PRKCH: variants seen among roughly 807,000 people sequenced by gnomAD.
The protein encoded by PRKCH is protein kinase C eta type.
A neutral mutation model predicts 82.5 loss-of-function variants in PRKCH; 28 were observed. The observed-to-expected ratio is 0.34, with a 90% CI of 0.25 to 0.47. PRKCH has a LOEUF of 0.47. Ranked by LOEUF, PRKCH falls within the 20% of genes least tolerant of loss-of-function variation. PRKCH has a pLI of 1.00. For synonymous variants in PRKCH, 322 were observed against 327.4 expected, an observed-to-expected ratio of 0.98 and a Z score of 0.18; for missense variants, 705 against 881.8, an observed-to-expected ratio of 0.80 and a Z score of 2.54.
intron 2 of PRKCH, among the ~76,000 whole-genome samples, chr14:61,402,424 CTG>C (rs1254084458): frequency 6.6e-6 from 1 of 152,208 alleles, no homozygotes; most frequent in African/African-American, 2.4e-5. Context: ...TTAAATTACT[CTG>C]TGTGAGGCTG....
At chr14:61,494,856 C>T (rs1267301710) in intron 10 of PRKCH, among the ~76,000 whole-genome samples, 6 of 152,140 alleles carry the variant, frequency 3.9e-5, no homozygotes, top group Non-Finnish European at 7.4e-5. Flanking sequence ...TCTTTGAAAC[C>T]AAATCATTTT....
At chr14:61,405,558 A>C (rs781781485) in intron 2 of PRKCH, among the ~76,000 whole-genome samples, 12 of 152,118 alleles carry the variant, frequency 7.9e-5, no homozygotes, top group South Asian at 4.1e-4. Context: ...TTGTATTTTT[A>C]GTAGAGATGG....
At chr14:61,426,585 A>G (rs1046797453) in intron 2 of PRKCH, among the ~76,000 whole-genome samples, 4 of 152,230 alleles carry the variant, frequency 2.6e-5, no homozygotes, top group African/African-American at 9.7e-5. Context: ...GCCTGAGGAA[A>G]GTCCAAGAGG....
intron 12 of PRKCH, among the ~76,000 whole-genome samples, chr14:61,532,949 G>A (rs557016179): frequency 2.2e-4 from 34 of 152,290 alleles, no homozygotes; most frequent in African/African-American, 6.3e-4. Context: ...CATATCATGC[G>A]TCTAGCACTC....
At chr14:61,403,288 C>G (rs1261387448) in intron 2 of PRKCH, among the ~76,000 whole-genome samples, 2 of 152,040 alleles carry the variant, frequency 1.3e-5, no homozygotes, top group African/African-American at 4.8e-5. Context: ...TTTACAATTT[C>G]TAGGTTATTT....
intron 1 of PRKCH, among the ~76,000 whole-genome samples, chr14:61,203,910 C>G (rs1331199715): frequency 2.0e-5 from 3 of 151,912 alleles, no homozygotes; most frequent in South Asian, 2.1e-4. Context: ...ACACAAATAC[C>G]CACACACTTT....
intron 1 of PRKCH, among the ~76,000 whole-genome samples, chr14:61,313,816 GGGAA>G (rs1266152821): frequency 6.6e-6 from 1 of 152,104 alleles, no homozygotes; most frequent in Non-Finnish European, 1.5e-5. Flanking sequence ...AGAACAGCAT[GGGAA>G]AGACCTGTTC....
At chr14:61,502,065 C>CTTTTTT (rs869064641) in intron 10 of PRKCH, among the ~76,000 whole-genome samples, 1 of 6,424 alleles carries the variant, frequency 1.6e-4, no homozygotes. Flanking sequence ...CTTTTCTTTT[C>CTTTTTT]TTTTTTTTTT....
At chr14:61,394,267 A>T (rs1331338860) in intron 2 of PRKCH, among the ~76,000 whole-genome samples, 1 of 3,982 alleles carries the variant, frequency 2.5e-4, no homozygotes, top group Non-Finnish European at 0.12. Flanking sequence ...TACTTGACAT[A>T]AAAAAAAAAA....
At chr14:61,413,459 G>C (rs1291222292) in intron 2 of PRKCH, among the ~76,000 whole-genome samples, 6 of 126,026 alleles carry the variant, frequency 4.8e-5, no homozygotes, top group African/African-American at 1.8e-4. Flanking sequence ...AAGTGGCTTA[G>C]ATCCTACTTA....
chr14:61,467,204 A>G (rs751322423), intron 9 of PRKCH, among the ~76,000 whole-genome samples: 1 of 152,200 alleles, frequency 6.6e-6, no homozygotes, highest in Non-Finnish European at 1.5e-5. Flanking sequence ...AAGAGCTCTG[A>G]GTTCTAATTC....
chr14:61,263,841 A>G (rs1348386782), intron 1 of PRKCH, among the ~76,000 whole-genome samples: 3 of 144,550 alleles, frequency 2.1e-5, no homozygotes, highest in Non-Finnish European at 4.6e-5. Context: ...ATCTGAAGTC[A>G]GAGTATTGTG....
intron 1 of PRKCH, among the ~76,000 whole-genome samples, chr14:61,301,951 A>G (rs2045450897): frequency 6.6e-6 from 1 of 152,178 alleles, no homozygotes; most frequent in African/African-American, 2.4e-5. Context: ...CATTCCCAAG[A>G]GTTCTCTCAT....
At chr14:61,541,288 G>C (rs994621108) in intron 12 of PRKCH, among the ~76,000 whole-genome samples, 1 of 152,386 alleles carries the variant, frequency 6.6e-6, no homozygotes, top group African/African-American at 2.4e-5. Context: ...ACGCATGCGT[G>C]GTGTGCTTCT....
chr14:61,461,744 G>A (rs976076588), intron 9 of PRKCH, among the ~76,000 whole-genome samples: 4 of 152,234 alleles, frequency 2.6e-5, no homozygotes, highest in Non-Finnish European at 5.9e-5. Context: ...AGAGTAAAAT[G>A]AGGAAGTAAC....
At chr14:61,216,365 T>C (rs1240345241) in intron 1 of PRKCH, among the ~76,000 whole-genome samples, 1 of 151,788 alleles carries the variant, frequency 6.6e-6, no homozygotes, top group East Asian at 1.9e-4. Flanking sequence ...CTCAGGAGGC[T>C]GAGGCACGAG....
In PRKCH at chr14:61,529,228, T is replaced by C. The variant is rs374916304; in HGVS notation, c.1572+15T>C. 37 of 1,599,920 alleles carry C rather than the reference T, an allele frequency of 2.3e-5. No homozygotes were observed. The highest frequency in any genetic ancestry group is 1.7e-4 in the Middle Eastern group (1 of 6,038). On this transcript the variant is annotated intron_variant, in intron 11 of 13. Coordinates refer to ENST00000332981, the MANE Select transcript of PRKCH (RefSeq NM_006255.5). ...TCGCTCCAGAGGTGAGTGCAGCTGC[T>C]TGATGCAGCTCTGAAATCTGAGCTC... is the stretch of plus-strand genomic sequence containing the variant.
chr14:61,549,333 C>G (rs1464260225), intron 13 of PRKCH, among the ~76,000 whole-genome samples: 1 of 152,214 alleles, frequency 6.6e-6, no homozygotes, highest in Non-Finnish European at 1.5e-5. Context: ...CAGCTGCACA[C>G]CCCTCAGCGA....
chr14:61,224,494 C>A (rs550003640), intron 1 of PRKCH, among the ~76,000 whole-genome samples: 59 of 152,190 alleles, frequency 3.9e-4, no homozygotes, highest in Non-Finnish European at 7.6e-4. Flanking sequence ...TTTGCTGTGA[C>A]AGTTGCTCAC....
Sources: gnomAD v4.1 joint callset for allele counts (sites outside exome capture counted in the v4.1 genomes callset) on GRCh38, gnomAD v4.1.1 for gene constraint, MANE v1.5 for transcripts, NCBI Gene and HGNC (gene_info 2026-07-23, HGNC 2026-07-21) for gene names.